The following CNTN5 variants were observed in gnomAD, a reference collection of about 807,000 sequenced individuals.
CNTN5 encodes contactin 5, also known as contactin-5.
Under a neutral mutation model 129.1 loss-of-function variants are expected in CNTN5, and 77 were observed. That is an observed-to-expected ratio of 0.60 (90% CI 0.50 to 0.72). CNTN5 has a LOEUF of 0.72. CNTN5 is among the 30% of genes least tolerant of loss of function. The probability of loss-of-function intolerance (pLI) is 0.00; values close to 1 mark genes in which losing one functional copy is unlikely to be tolerated. For synonymous variants in CNTN5, 509 were observed against 465.6 expected (o/e 1.09, Z -1.20); for missense variants, 1,478 against 1,328.8 (o/e 1.11, Z -1.75).
chr11:99,857,048 C>G (rs1177261874), intron 6 of CNTN5, among the ~76,000 whole-genome samples: 2 of 150,714 alleles, frequency 1.3e-5, no homozygotes, highest in Non-Finnish European at 3.0e-5. Flanking sequence ...CTCTCTCTCC[C>G]TCCCTCCCTC....
At chr11:99,047,380 G>GC (rs1491561702) in intron 1 of CNTN5, among the ~76,000 whole-genome samples, 1 of 128,990 alleles carries the variant, frequency 7.8e-6, no homozygotes, top group African/African-American at 2.9e-5. Context: ...TTGAATTTTG[G>GC]CAAAAAAAAA....
chr11:99,777,501 G>A (rs974093052), intron 3 of CNTN5, among the ~76,000 whole-genome samples: 1 of 151,810 alleles, frequency 6.6e-6, no homozygotes, highest in Admixed American at 6.6e-5. Context: ...TTGGAATTTA[G>A]TCTTCCACTG....
At chr11:100,222,197 C>T (rs950394684) in intron 15 of CNTN5, among the ~76,000 whole-genome samples, 2 of 152,106 alleles carry the variant, frequency 1.3e-5, no homozygotes, top group Non-Finnish European at 2.9e-5. Flanking sequence ...ATTTTAACTC[C>T]TCAAATGGTC....
chr11:99,302,585 G>T (rs1864691670), intron 1 of CNTN5, among the ~76,000 whole-genome samples: 1 of 151,496 alleles, frequency 6.6e-6, no homozygotes, highest in South Asian at 2.1e-4. Flanking sequence ...CATTTGTGAG[G>T]GTCCAATCAG....
intron 2 of CNTN5, among the ~76,000 whole-genome samples, chr11:99,471,397 C>T (rs1028209840): frequency 7.9e-5 from 12 of 151,980 alleles, no homozygotes; most frequent in African/African-American, 2.2e-4. Context: ...ATATTTTCAC[C>T]TCCCACTTTT....
chr11:99,802,460 G>A lies in CNTN5; in HGVS notation c.56-17084G>A, dbSNP rs75985987. ...TGCCATTAATAGTGCCGTTTGCAAG[G>A]GAGAAACCACTGGGTGGCCACCAAG... On this transcript the variant is annotated intron_variant, in intron 3 of 24. Transcript: ENST00000524871. 6.0e-3 allele frequency among the ~76,000 whole-genome samples: 921 copies of A among 152,318 alleles called. 7 individuals carry two copies. Among genetic ancestry groups the A allele is most frequent in the African/African-American group, 0.021 (871 of 41,582 alleles).
intron 9 of CNTN5, among the ~76,000 whole-genome samples, chr11:100,014,370 T>C: frequency 6.6e-6 from 1 of 152,120 alleles, no homozygotes; most frequent in East Asian, 1.9e-4. Context: ...CTCCATTTTA[T>C]TCTATTTTTC....
chr11:100,337,616 T>TG (rs1952061997), intron 21 of CNTN5: 1 of 715,526 alleles, frequency 1.4e-6, no homozygotes, highest in South Asian at 1.3e-5. Flanking sequence ...AATCCACAGA[T>TG]GCAGAATAAC....
At chr11:100,055,028 T>TAAAAA (rs137939088) in intron 9 of CNTN5, among the ~76,000 whole-genome samples, 1 of 91,648 alleles carries the variant, frequency 1.1e-5, no homozygotes, top group African/African-American at 4.0e-5. Context: ...AGCCGTAGCC[T>TAAAAA]AAAAAAAAAA....
At chr11:99,579,987 T>C (rs1949513938) in intron 3 of CNTN5, among the ~76,000 whole-genome samples, 1 of 150,490 alleles carries the variant, frequency 6.6e-6, no homozygotes, top group Non-Finnish European at 1.5e-5. Context: ...TAGCTCTTAC[T>C]ATTTTGAGAT....
At chr11:99,573,332 C>T (rs554614665) in intron 3 of CNTN5, among the ~76,000 whole-genome samples, 2 of 151,836 alleles carry the variant, frequency 1.3e-5, no homozygotes, top group African/African-American at 2.4e-5. Context: ...GCACTTTGGG[C>T]GGCCTAGGCG....
chr11:99,690,465 T>C (rs1344303165), intron 3 of CNTN5, among the ~76,000 whole-genome samples: 2 of 152,150 alleles, frequency 1.3e-5, no homozygotes, highest in African/African-American at 4.8e-5. Flanking sequence ...CTTGGTTCCT[T>C]ATAATTTTTA....
intron 20 of CNTN5, among the ~76,000 whole-genome samples, chr11:100,302,092 C>A (rs1951235471): frequency 6.6e-6 from 1 of 151,482 alleles, no homozygotes; most frequent in Non-Finnish European, 1.5e-5. Flanking sequence ...TTCTTTGTAA[C>A]AATTGTCCTA....
At chr11:99,711,622 C>T (rs1392767173) in intron 3 of CNTN5, among the ~76,000 whole-genome samples, 6 of 151,836 alleles carry the variant, frequency 4.0e-5, no homozygotes, top group Non-Finnish European at 7.4e-5. Flanking sequence ...CTAATGCTCT[C>T]CCTCCCCTAG....
intron 1 of CNTN5, among the ~76,000 whole-genome samples, chr11:99,304,011 T>C (rs1034167369): frequency 6.6e-6 from 1 of 152,166 alleles, no homozygotes; most frequent in Non-Finnish European, 1.5e-5. Flanking sequence ...AATGTCTGTC[T>C]CAACACCAAG....
chr11:99,267,066 C>G (rs777705910), intron 1 of CNTN5, among the ~76,000 whole-genome samples: 13 of 151,826 alleles, frequency 8.6e-5, no homozygotes, highest in Non-Finnish European at 1.6e-4. Context: ...ATGGATAAGA[C>G]GTGAATTCTA....
chr11:100,212,699 G>T (rs542951950), intron 15 of CNTN5, among the ~76,000 whole-genome samples: 1 of 152,052 alleles, frequency 6.6e-6, no homozygotes, highest in South Asian at 2.1e-4. Flanking sequence ...GATTCCTAAT[G>T]ACTTTATCTA....
Position 100,038,661 on chromosome 11 carries a change from G to A in CNTN5, c.981-22551G>A, listed in dbSNP as rs1166802214. Among the ~76,000 whole-genome samples, 5 of 151,940 alleles carry A rather than the reference G, an allele frequency of 3.3e-5. No homozygotes were observed. The South Asian group carries it at 8.3e-4, about 25-fold the overall frequency. On this transcript the variant is annotated intron_variant, in intron 9 of 24. Transcript: ENST00000524871. ...ATGAATCTGGGTGCTCCTGTATTGG[G>A]TGCATATATATTTAGGATAGTTAGC... is the stretch of plus-strand genomic sequence containing the variant.
At chr11:99,343,245 T>C (rs763224261) in intron 2 of CNTN5, among the ~76,000 whole-genome samples, 2 of 152,154 alleles carry the variant, frequency 1.3e-5, no homozygotes, top group Non-Finnish European at 2.9e-5. Context: ...ACAGACACAA[T>C]ATGTATGTTC....
Sources: allele counts gnomAD v4.1 joint callset (sites outside exome capture counted in the v4.1 genomes callset), GRCh38; gene constraint gnomAD v4.1.1; transcripts MANE v1.5; gene names NCBI Gene and HGNC (gene_info 2026-07-23, HGNC 2026-07-21).